The following MLLT3 variants were observed in gnomAD, a reference collection of about 807,000 sequenced individuals.
MLLT3 encodes the protein protein AF-9.
MLLT3 carries 4 observed loss-of-function variants against 53.2 expected under a neutral mutation model. That is an observed-to-expected ratio of 0.08 (90% CI 0.04 to 0.17). The LOEUF is 0.17. MLLT3 is among the 10% of genes least tolerant of loss of function. MLLT3 has a pLI of 1.00. For synonymous variants in MLLT3, 283 were observed against 230.6 expected, an observed-to-expected ratio of 1.23 and a Z score of -2.06; for missense variants, 569 against 684.0, an observed-to-expected ratio of 0.83 and a Z score of 1.87.
chr9:20,518,925 T>C (rs12682705), intron 2 of MLLT3, among the ~76,000 whole-genome samples: 8,414 of 152,202 alleles, frequency 0.055, 589 homozygotes, highest in East Asian at 0.16. Flanking sequence ...GGGATCCTGG[T>C]TTGGATCCTG....
In MLLT3 at chr9:20,555,190, C is replaced by A. The variant is rs188220633; in HGVS notation, c.193+65464G>T. On this transcript the variant is annotated intron_variant, in intron 2 of 10. Coordinates refer to ENST00000380338, the MANE Select transcript of MLLT3 (RefSeq NM_004529.4). ...CCTGAAGGTCATCTAACTGACCCCA[C>A]AAATCATCTTAACCTAATCTTACAC... Among the ~76,000 whole-genome samples, 121 of 152,282 alleles carry A rather than the reference C, an allele frequency of 7.9e-4. 1 individual carries two copies. The Middle Eastern group carries it at 0.01, about 13-fold the overall frequency.
chr9:20,536,740 T>C (rs559399752), intron 2 of MLLT3, among the ~76,000 whole-genome samples: 1 of 152,308 alleles, frequency 6.6e-6, no homozygotes, highest in East Asian at 1.9e-4. Flanking sequence ...TAATAAAATC[T>C]ACTGTGTGCA....
chr9:20,475,647 C>T (rs930414511), intron 2 of MLLT3, among the ~76,000 whole-genome samples: 4 of 152,126 alleles, frequency 2.6e-5, no homozygotes, highest in African/African-American at 9.6e-5. Context: ...CAAAACAAAA[C>T]CTGGTTCAGG....
At chr9:20,383,444 T>G (rs1821951971) in intron 5 of MLLT3, among the ~76,000 whole-genome samples, 1 of 151,882 alleles carries the variant, frequency 6.6e-6, no homozygotes, top group South Asian at 2.1e-4. Flanking sequence ...GAATCTCAGT[T>G]CCACCACTTT....
intron 2 of MLLT3, among the ~76,000 whole-genome samples, chr9:20,565,257 C>T (rs1270344136): frequency 6.6e-6 from 1 of 151,816 alleles, no homozygotes; most frequent in Non-Finnish European, 1.5e-5. Context: ...TCAAACTGTA[C>T]AATGCACAAA....
In MLLT3 at chr9:20,448,052, G is replaced by A; in HGVS notation, c.420+71C>T. 1 of 1,501,744 alleles carries A rather than the reference G, an allele frequency of 6.7e-7. No homozygotes were observed. Among genetic ancestry groups the A allele is most frequent in the Non-Finnish European group, 9.0e-7 (1 of 1,111,178 alleles). 93.0% of individuals were successfully genotyped at this position (1,501,744 alleles called of 1,614,324 possible). A position where few individuals can be genotyped will look rare whatever the true frequency, so the allele number is the denominator to read the frequency against. Reference sequence around the variant, plus strand: ...ATACTTTTTAACACATGAGGAACTAGTTTGTTTGTTTTTTTTTTTGTTGTT... The same window carrying A: ...ATACTTTTTAACACATGAGGAACTAATTTGTTTGTTTTTTTTTTTGTTGTT... On this transcript the variant is annotated intron_variant, in intron 4 of 10. Coordinates refer to ENST00000380338, the MANE Select transcript of MLLT3 (RefSeq NM_004529.4). This position sits in a 1 kb window ranked among gnomAD's most constrained non-coding sequence, Gnocchi z 4.0.
intron 3 of MLLT3, among the ~76,000 whole-genome samples, chr9:20,456,164 C>T (rs1218623075): frequency 6.6e-6 from 1 of 152,026 alleles, no homozygotes; most frequent in African/African-American, 2.4e-5. Context: ...GTCTCGAACT[C>T]CTGACCTCAA....
chr9:20,516,707 A>G (rs1468108397), intron 2 of MLLT3, among the ~76,000 whole-genome samples: 1 of 152,226 alleles, frequency 6.6e-6, no homozygotes, highest in Non-Finnish European at 1.5e-5. Context: ...AGTAGTTACA[A>G]CAATGTAGAA....
rs539541483 is a variant in MLLT3, at chr9:20,535,668, C to T, written c.194-78882G>A. ...GGAGCACACGTTTAGGATTACAATACGTACTGACCAGCCCTGAACCAGCAG... is the reference window on the plus strand; with the variant it reads ...GGAGCACACGTTTAGGATTACAATATGTACTGACCAGCCCTGAACCAGCAG... On this transcript the variant is annotated intron_variant, in intron 2 of 10. Coordinates refer to ENST00000380338, the MANE Select transcript of MLLT3 (RefSeq NM_004529.4). Among the ~76,000 whole-genome samples the T allele has an allele frequency of 3.9e-5, 6 of 152,276 alleles. No individual in the cohort carries two copies. In the South Asian group the frequency reaches 6.2e-4, roughly 16 times the overall value.
intron 2 of MLLT3, among the ~76,000 whole-genome samples, chr9:20,517,859 G>C (rs890681948): frequency 6.6e-6 from 1 of 151,746 alleles, no homozygotes; most frequent in Non-Finnish European, 1.5e-5. Flanking sequence ...AAAGAAAAAA[G>C]CGAGAAATCA....
intron 2 of MLLT3, among the ~76,000 whole-genome samples, chr9:20,512,251 A>G (rs898097996): frequency 2.6e-5 from 4 of 152,168 alleles, no homozygotes; most frequent in African/African-American, 7.2e-5. Flanking sequence ...TCCATTAGCA[A>G]TCATATTTTC....
intron 2 of MLLT3, among the ~76,000 whole-genome samples, chr9:20,522,550 CTT>C (rs1369360863): frequency 6.6e-6 from 1 of 152,098 alleles, no homozygotes; most frequent in Admixed American, 6.5e-5. Flanking sequence ...TTTATTCCCT[CTT>C]GTTTCAAATA....
intron 2 of MLLT3, among the ~76,000 whole-genome samples, chr9:20,586,233 C>T (rs1819956745): frequency 6.6e-6 from 1 of 151,802 alleles, no homozygotes; most frequent in African/African-American, 2.4e-5. Context: ...TGTGGGAGAA[C>T]TGTTTGAGCC....
At position 20,622,479 on chromosome 9, in the gene MLLT3, TCC is replaced by T. The variant is rs1821050982; in HGVS notation, c.-225_-224del. ...CAAAAGCAGCAGCAGCAGCAGCAGC[TCC>T]AGGGTAAAGAAGATGATTGCGGAGC... On this transcript the variant is annotated 5_prime_UTR_variant, in exon 1 of 11. Coordinates refer to ENST00000380338, the MANE Select transcript of MLLT3 (RefSeq NM_004529.4). The T allele has an allele frequency of 1.9e-6, 1 of 531,920 alleles. No homozygotes were observed. The highest frequency in any genetic ancestry group is 2.6e-5 in the South Asian group (1 of 37,882). 33.0% of individuals were successfully genotyped at this position (531,920 alleles called of 1,614,324 possible).
chr9:20,587,287 T>C (rs1819996671), intron 2 of MLLT3, among the ~76,000 whole-genome samples: 1 of 151,470 alleles, frequency 6.6e-6, no homozygotes, highest in Non-Finnish European at 1.5e-5. Flanking sequence ...ACATATCATA[T>C]AATCTTTTTC....
intron 2 of MLLT3, among the ~76,000 whole-genome samples, chr9:20,614,313 G>C (rs563133259): frequency 6.6e-6 from 1 of 151,762 alleles, no homozygotes; most frequent in Admixed American, 6.6e-5. Flanking sequence ...AGAATTAGTT[G>C]AACCCGGGAG....
chr9:20,496,846 AACATACCTAT>A (rs1400929840), intron 2 of MLLT3, among the ~76,000 whole-genome samples: 6 of 152,208 alleles, frequency 3.9e-5, no homozygotes, highest in African/African-American at 1.4e-4. Flanking sequence ...CTTTAGGCCC[AACATACCTAT>A]ACAGATGATA....
chr9:20,587,417 T>C (rs992681905), intron 2 of MLLT3, among the ~76,000 whole-genome samples: 4 of 152,134 alleles, frequency 2.6e-5, no homozygotes, highest in African/African-American at 9.7e-5. Flanking sequence ...TTTCACTGCA[T>C]GGCCTTCAGT....
chr9:20,615,559 G>C (rs1419263084), intron 2 of MLLT3, among the ~76,000 whole-genome samples: 1 of 151,724 alleles, frequency 6.6e-6, no homozygotes, highest in Non-Finnish European at 1.5e-5. Context: ...GTTTTTATTA[G>C]CAACAATAAT....
Sources: allele counts gnomAD v4.1 joint callset (sites outside exome capture counted in the v4.1 genomes callset), GRCh38; gene constraint gnomAD v4.1.1; non-coding constraint Gnocchi (gnomAD v3.1); transcripts MANE v1.5; gene names NCBI Gene and HGNC (gene_info 2026-07-23, HGNC 2026-07-21).